ZNF891: variants seen among roughly 807,000 people sequenced by gnomAD.
The protein encoded by ZNF891 is hCG1646157.
For missense variants in ZNF891, 589 were observed against 632.7 expected, an observed-to-expected ratio of 0.93 and a Z score of 0.74; for synonymous variants, 199 against 209.0, an observed-to-expected ratio of 0.95 and a Z score of 0.41.
Position 133,114,928 on chromosome 12 carries a change from G to C in ZNF891, c.*5356C>G, listed in dbSNP as rs941291856. The C allele has an allele frequency of 1.3e-5, 2 of 152,222 alleles. No individual in the cohort carries two copies. The highest frequency in any genetic ancestry group is 2.9e-5 in the Non-Finnish European group (2 of 68,040). The allele number at this position is 152,222 out of a possible 1,614,324, so 9.4% of individuals were successfully genotyped here. A position where few individuals can be genotyped will look rare whatever the true frequency, so the allele number is the denominator to read the frequency against. On this transcript the variant is annotated 3_prime_UTR_variant, in exon 2 of 2. Coordinates refer to ENST00000537226, the MANE Select transcript of ZNF891 (RefSeq NM_001277291.2). ...TAGATGGATCACCCTGGGAAGTGTA[G>C]AGAACAGTTGATAGGAAAGCACAAT...
At position 133,121,784 on chromosome 12, in the gene ZNF891, G is replaced by T; in HGVS notation, c.135C>A (p.Phe45Leu). Residue 45 changes from phenylalanine (F) to leucine (L), a missense_variant, in exon 2 of 2, where the codon TTC becomes TTA. Phe to Leu is a conservative substitution (Grantham distance 22). Coordinates refer to ENST00000537226, the MANE Select transcript of ZNF891 (RefSeq NM_001277291.2). ...LTTWLQEPMT[F>L]KDVAVEFTQE... ...GAGTGAACTCCACAGCTACATCTTT[G>T]AAAGTCATTGGTTCCTGTAACCAGG... is the stretch of plus-strand genomic sequence containing the variant. 6.5e-7 allele frequency: 1 copy of T among 1,536,840 alleles called. No individual in the cohort carries two copies. Among genetic ancestry groups the T allele is most frequent in the Non-Finnish European group, 8.7e-7 (1 of 1,147,008 alleles).
Position 133,107,987 on chromosome 12 carries a change from C to T in ZNF891, c.*12297G>A, listed in dbSNP as rs889319817. 1 of 152,152 alleles carries T rather than the reference C, an allele frequency of 6.6e-6. No homozygotes were observed. Among genetic ancestry groups the T allele is most frequent in the Admixed American group, 6.5e-5 (1 of 15,276 alleles). 9.4% of individuals were successfully genotyped at this position (152,152 alleles called of 1,614,324 possible). On this transcript the variant is annotated 3_prime_UTR_variant, in exon 2 of 2. Transcript: ENST00000537226. ...TTATAAAAGTTTTAGCCCAAAAACA[C>T]CTTATTTACATGTACTAGAGTTCTA... is the stretch of plus-strand genomic sequence containing the variant.
Position 133,105,739 on chromosome 12 carries a change from C to T in ZNF891, c.*14545G>A. Reference sequence around the variant, plus strand: ...AAGCCCTGGCTCAACATATGAATATCAGTACTGTGGAGAGGCCCTATGGAT... The same window carrying T: ...AAGCCCTGGCTCAACATATGAATATTAGTACTGTGGAGAGGCCCTATGGAT... On this transcript the variant is annotated 3_prime_UTR_variant, in exon 2 of 2. Transcript: ENST00000537226. The T allele has an allele frequency of 6.2e-7, 1 of 1,614,160 alleles. No individual in the cohort carries two copies. Among genetic ancestry groups the T allele is most frequent in the East Asian group, 2.2e-5 (1 of 44,876 alleles).
chr12:133,120,391 G>T lies in ZNF891; in HGVS notation c.1528C>A (p.His510Asn), dbSNP rs779265206. 3.1e-6 allele frequency: 5 copies of T among 1,597,048 alleles called. No homozygotes were observed. Among genetic ancestry groups the T allele is most frequent in the Non-Finnish European group, 4.3e-6 (5 of 1,172,644 alleles). Residue 510 changes from histidine (H) to asparagine (N), a missense_variant, in exon 2 of 2, where the codon CAC becomes AAC. By Grantham distance (68) the His-to-Asn change is moderately conservative. Transcript: ENST00000537226. ...CATTCATAGGGTTTCTCTCCAGTGT[G>T]AATTCTCACATGCCTCCTAAGGGAA... The part of the protein sequence containing the change: ...SSSLRRHVRI[H>N]TGEKPYECIQ...
rs1314334882 is a variant in ZNF891, at chr12:133,113,886, T to C, written c.*6398A>G. The C allele has an allele frequency of 6.9e-6, 1 of 145,276 alleles. No individual in the cohort carries two copies. The highest frequency in any genetic ancestry group is 1.5e-5 in the Non-Finnish European group (1 of 65,578). 9.0% of individuals were successfully genotyped at this position (145,276 alleles called of 1,614,324 possible). On this transcript the variant is annotated 3_prime_UTR_variant, in exon 2 of 2. Coordinates refer to ENST00000537226, the MANE Select transcript of ZNF891 (RefSeq NM_001277291.2). ...CACAGATTCATGACACCATGGGTAA[T>C]TTTTTTTTTTTGGTAGAGATGGGGT...
chr12:133,124,237 G>A (rs903895744), intron 1 of ZNF891, among the ~76,000 whole-genome samples: 6 of 152,080 alleles, frequency 3.9e-5, no homozygotes, highest in African/African-American at 1.4e-4. Flanking sequence ...GTGGGGGGAA[G>A]GATGAACTAT....
At chr12:133,128,313 T>C (rs982901378) in intron 1 of ZNF891, among the ~76,000 whole-genome samples, 1 of 151,662 alleles carries the variant, frequency 6.6e-6, no homozygotes, top group African/African-American at 2.4e-5. Context: ...AAATAAAGAG[T>C]AGTAAATTAA....
At position 133,109,722 on chromosome 12, in the gene ZNF891, T is replaced by A. The variant is rs1593819953; in HGVS notation, c.*10562A>T. 1 of 152,168 alleles carries A rather than the reference T, an allele frequency of 6.6e-6. No homozygotes were observed. Among genetic ancestry groups the A allele is most frequent in the South Asian group, 2.1e-4 (1 of 4,830 alleles). The allele number at this position is 152,168 out of a possible 1,614,324, so 9.4% of individuals were successfully genotyped here. The stretch of plus-strand genomic sequence containing the variant: ...AAAAGAAATAATTTTTCAGGCAGTA[T>A]GAAATGATCTTAGAAACTTGGAAAT... On this transcript the variant is annotated 3_prime_UTR_variant, in exon 2 of 2. Coordinates refer to ENST00000537226, the MANE Select transcript of ZNF891 (RefSeq NM_001277291.2).
intron 1 of ZNF891, among the ~76,000 whole-genome samples, chr12:133,127,748 T>G (rs1955831062): frequency 6.6e-6 from 1 of 152,194 alleles, no homozygotes; most frequent in African/African-American, 2.4e-5. Flanking sequence ...TATGCCAGCG[T>G]GCTGCATGCC....
chr12:133,111,536 TA>T lies in ZNF891; in HGVS notation c.*8747del, dbSNP rs1484228881. On this transcript the variant is annotated 3_prime_UTR_variant, in exon 2 of 2. Transcript: ENST00000537226. ...AATAAATATTACAGAAATAATTTTTTAAAATAAATTCTGCATCATGAACACC... is the reference window on the plus strand; with the variant it reads ...AATAAATATTACAGAAATAATTTTTTAAATAAATTCTGCATCATGAACACC... The T allele has an allele frequency of 6.6e-6, 1 of 152,160 alleles. No homozygotes were observed. Among genetic ancestry groups the T allele is most frequent in the Non-Finnish European group, 1.5e-5 (1 of 68,040 alleles). 9.4% of individuals were successfully genotyped at this position (152,160 alleles called of 1,614,324 possible). A position where few individuals can be genotyped will look rare whatever the true frequency, so the allele number is the denominator to read the frequency against.
chr12:133,106,621 T>C lies in ZNF891; in HGVS notation c.*13663A>G. Reference sequence around the variant, plus strand: ...CCTATGAATATGAAAATTCATTTAATTACCACTCATTCCTTACTGAACACC... The same window carrying C: ...CCTATGAATATGAAAATTCATTTAACTACCACTCATTCCTTACTGAACACC... On this transcript the variant is annotated 3_prime_UTR_variant, in exon 2 of 2. Transcript: ENST00000537226. The C allele has an allele frequency of 6.2e-7, 1 of 1,602,142 alleles. No individual in the cohort carries two copies. The highest frequency in any genetic ancestry group is 8.5e-7 in the Non-Finnish European group (1 of 1,176,230).
chr12:133,107,560 G>A lies in ZNF891; in HGVS notation c.*12724C>T, dbSNP rs1159405651. On this transcript the variant is annotated 3_prime_UTR_variant, in exon 2 of 2. Coordinates refer to ENST00000537226, the MANE Select transcript of ZNF891 (RefSeq NM_001277291.2). ...AACAAAGTGTTTTTAGGTGTTTTAT[G>A]ATTTTAACTTTCAGACAGAGTTTGG... 1 of 152,138 alleles carries A rather than the reference G, an allele frequency of 6.6e-6. No individual in the cohort carries two copies. The highest frequency in any genetic ancestry group is 1.5e-5 in the Non-Finnish European group (1 of 68,008). The allele number at this position is 152,138 out of a possible 1,614,324, so 9.4% of individuals were successfully genotyped here. A position where few individuals can be genotyped will look rare whatever the true frequency, so the allele number is the denominator to read the frequency against.
intron 1 of ZNF891, among the ~76,000 whole-genome samples, chr12:133,126,885 T>C (rs926920644): frequency 4.0e-5 from 6 of 149,436 alleles, no homozygotes; most frequent in African/African-American, 1.2e-4. Context: ...AAAAGACCAC[T>C]ATATGAGCAA....
rs1182092623 is a variant in ZNF891 at position 133,121,014 on chromosome 12, A to G, written c.905T>C (p.Leu302Pro). 2 of 1,535,678 alleles carry G rather than the reference A, an allele frequency of 1.3e-6. No homozygotes were observed. Among genetic ancestry groups the G allele is most frequent in the Non-Finnish European group, 1.7e-6 (2 of 1,146,854 alleles). Residue 302 changes from leucine (L) to proline (P), a missense_variant, in exon 2 of 2, where the codon CTG becomes CCG. Transcript: ENST00000537226. ...TTTCTTAAGGGATGATTGATGACAC[A>G]GCGTTTCATCTTTATTACATTCACA... is the stretch of plus-strand genomic sequence containing the variant. Reference protein sequence around the residue: ...NACECNKDETLCHQSSLKKQG... With the variant: ...NACECNKDETPCHQSSLKKQG...
intron 1 of ZNF891, among the ~76,000 whole-genome samples, chr12:133,123,761 AAGTT>A (rs1955787588): frequency 6.6e-6 from 1 of 151,398 alleles, no homozygotes; most frequent in Admixed American, 6.6e-5. Context: ...AACAACAACA[AAGTT>A]AGGCTTCCTC....
rs1205413708 is a variant in ZNF891, at chr12:133,129,494, C to G, written c.-107+733G>C. ...CCAGCCTGGGCAACAAAGAGCGAAA[C>G]TCTGTCTCAAAAAAAAAAAAAAAAA... On this transcript the variant is annotated intron_variant, in intron 1 of 1. Transcript: ENST00000537226. Among the ~76,000 whole-genome samples the G allele has an allele frequency of 3.0e-5, 4 of 133,156 alleles. No homozygotes were observed. In the East Asian group the frequency reaches 8.3e-4, roughly 28 times the overall value. 87.4% of individuals were successfully genotyped at this position (133,156 alleles called of 152,430 possible).
rs940196265 is a variant in ZNF891 at position 133,121,979 on chromosome 12, T to C, written c.-61A>G. 1.3e-5 allele frequency: 18 copies of C among 1,431,484 alleles called. No individual in the cohort carries two copies. In the African/African-American group the frequency reaches 2.1e-4, roughly 17 times the overall value. 88.7% of individuals were successfully genotyped at this position (1,431,484 alleles called of 1,614,324 possible). A position where few individuals can be genotyped will look rare whatever the true frequency, so the allele number is the denominator to read the frequency against. ...AGATCAGGATGTTTCTGTTCTTGTG[T>C]CTCCAATCCAGTCACAGGAGGGATG... is the stretch of plus-strand genomic sequence containing the variant. On this transcript the variant is annotated 5_prime_UTR_variant, in exon 2 of 2. Transcript: ENST00000537226.
At position 133,121,407 on chromosome 12, in the gene ZNF891, TGTCCC is replaced by T; in HGVS notation, c.507_511del (p.Gly170LeufsTer19). 2 of 1,536,142 alleles carry T rather than the reference TGTCCC, an allele frequency of 1.3e-6. No homozygotes were observed. The highest frequency in any genetic ancestry group is 1.7e-6 in the Non-Finnish European group (2 of 1,146,902). On this transcript the variant is annotated frameshift_variant, in exon 2 of 2. Transcript: ENST00000537226. LOFTEE classifies it low-confidence loss of function (END_TRUNC). Reference sequence around the variant, plus strand: ...TGGGGCATATATCATTTGCCTCCAATGTCCCCCTGGAATCTTATGCTGTTTTCTGA... The same window carrying T: ...TGGGGCATATATCATTTGCCTCCAATCCTGGAATCTTATGCTGTTTTCTGA...
At chr12:133,127,634 A>T (rs1955829726) in intron 1 of ZNF891, among the ~76,000 whole-genome samples, 1 of 152,254 alleles carries the variant, frequency 6.6e-6, no homozygotes, top group East Asian at 1.9e-4. Flanking sequence ...GGCAGTTAAG[A>T]TTACAATCCA....
Sources: allele counts gnomAD v4.1 joint callset (sites outside exome capture counted in the v4.1 genomes callset), GRCh38; gene constraint gnomAD v4.1.1; transcripts MANE v1.5; gene names NCBI Gene and HGNC (gene_info 2026-07-23, HGNC 2026-07-21).